IGF2R: variants seen among roughly 807,000 people sequenced by gnomAD.
The protein encoded by IGF2R is cation-independent mannose-6-phosphate receptor.
A neutral mutation model predicts 270.6 loss-of-function variants in IGF2R; 91 were observed. The observed-to-expected ratio is 0.34, with a 90% CI of 0.28 to 0.40. The LOEUF is 0.40. IGF2R is among the 10% of genes least tolerant of loss of function. IGF2R has a pLI of 1.00. For missense variants in IGF2R, 2,805 were observed against 3,188.3 expected (o/e 0.88, Z 2.90); for synonymous variants, 1,316 against 1,258.9 (o/e 1.05, Z -0.96).
chr6:159,975,903 A>G (rs1317246121), intron 1 of IGF2R, among the ~76,000 whole-genome samples: 1 of 151,500 alleles, frequency 6.6e-6, no homozygotes, highest in Non-Finnish European at 1.5e-5. Flanking sequence ...CTAATACTTT[A>G]TGAAATATGC....
Position 160,079,708 on chromosome 6 carries a change from G to A in IGF2R, c.5607G>A (p.Leu1869=). The A allele has an allele frequency of 1.3e-6, 2 of 1,513,026 alleles. No individual in the cohort carries two copies. Among genetic ancestry groups the A allele is most frequent in the South Asian group, 2.7e-5 (2 of 74,620 alleles). 93.7% of individuals were successfully genotyped at this position (1,513,026 alleles called of 1,614,324 possible). The change falls in exon 38 of 48, where the codon CTG becomes CTA. Residue 1869 remains leucine (L), a synonymous_variant. Transcript: ENST00000356956. ...CCAAGGGGGCATCCTTTGGACGGCT[G>A]CAATCAATGAAACTGGATTACAGGC... ...SGTKGASFGR[L]QSMKLDYRHQ...
chr6:160,068,205 G>C (rs55714704), intron 29 of IGF2R, 44 bp from the exon 30 acceptor site: 10 of 1,609,032 alleles, frequency 6.2e-6, no homozygotes, highest in Non-Finnish European at 7.6e-6. Context: ...TGTTTAAAGA[G>C]AATACGACCA....
chr6:160,080,005 A>G (rs1448650382), intron 38 of IGF2R, 124 bp from the exon 39 acceptor site: 1 of 1,220,382 alleles, frequency 8.2e-7, no homozygotes, highest in African/African-American at 1.5e-5. Context: ...TTGGCAGGTG[A>G]ATGCCGGTTG....
At chr6:160,029,377 T>G (rs1360994039) in intron 6 of IGF2R, among the ~76,000 whole-genome samples, 173 bp from the exon 7 acceptor site, 1 of 152,202 alleles carries the variant, frequency 6.6e-6, no homozygotes, top group African/African-American at 2.4e-5. Flanking sequence ...AACTTTTTTT[T>G]TTTTCAAATG....
At position 160,027,269 on chromosome 6, in the gene IGF2R, A is replaced by T. The variant is rs775680443; in HGVS notation, c.731A>T (p.Asp244Val). ...CTGGTAAGAGGACACCAGGCGTTTG[A>T]TGTTGGCCAGCCCCGGGACGGACTG... ...ACLVRGHQAF[D>V]VGQPRDGLKL... is the part of the protein sequence containing the mutation. Residue 244 changes from aspartate (D) to valine (V), a missense_variant, in exon 6 of 48, where the codon GAT becomes GTT. This residue lies in a region of IGF2R where 954 missense variants were observed against 981.1 expected (regional missense o/e 0.97). Coordinates refer to ENST00000356956, the MANE Select transcript of IGF2R (RefSeq NM_000876.4). The T allele has an allele frequency of 1.1e-5, 17 of 1,614,076 alleles. No homozygotes were observed. The highest frequency in any genetic ancestry group is 1.4e-5 in the Non-Finnish European group (17 of 1,180,002).
At chr6:160,028,001 G>GA (rs1366073354) in intron 6 of IGF2R, among the ~76,000 whole-genome samples, 2 of 152,144 alleles carry the variant, frequency 1.3e-5, no homozygotes, top group Non-Finnish European at 2.9e-5. Flanking sequence ...TCTGTCCAAA[G>GA]AAAAAACTTG....
At chr6:160,025,671 G>C (rs1777544283) in intron 5 of IGF2R, among the ~76,000 whole-genome samples, 2 of 152,008 alleles carry the variant, frequency 1.3e-5, no homozygotes, top group Admixed American at 6.6e-5. Flanking sequence ...ATGATAACTA[G>C]GTTTTTTTGT....
At chr6:160,086,810 A>G (rs1176974162) in intron 41 of IGF2R, among the ~76,000 whole-genome samples, 2 of 152,148 alleles carry the variant, frequency 1.3e-5, no homozygotes, top group African/African-American at 4.8e-5. Context: ...TGTCCTGTGG[A>G]AAACACTCGG....
intron 1 of IGF2R, among the ~76,000 whole-genome samples, chr6:159,969,956 A>ATT (rs201922336): frequency 0.069 from 10,431 of 151,388 alleles, 378 homozygotes; most frequent in South Asian, 0.091. Flanking sequence ...ATATATATAT[A>ATT]TTTTTAGCAG....
intron 29 of IGF2R, 23 bp from the exon 30 acceptor site, chr6:160,068,226 A>C: frequency 6.2e-7 from 1 of 1,613,702 alleles, no homozygotes; most frequent in Non-Finnish European, 8.5e-7. Flanking sequence ...AGCCTAACTA[A>C]CTGCGGGTTT....
In IGF2R at chr6:160,102,448, A is replaced by G; in HGVS notation, c.6843-71A>G. The G allele has an allele frequency of 1.3e-6, 2 of 1,530,118 alleles. No individual in the cohort carries two copies. The highest frequency in any genetic ancestry group is 1.8e-6 in the Non-Finnish European group (2 of 1,118,522). 94.8% of individuals were successfully genotyped at this position (1,530,118 alleles called of 1,614,324 possible). ...AGAGCTGCTCTTGCCTTGGGGACTC[A>G]GGTCTCAGGTTGTGGCTGTGGCAGC... On this transcript the variant is annotated intron_variant, in intron 45 of 47. Transcript: ENST00000356956. The surrounding 1 kb of genome is among the most constrained non-coding windows in gnomAD (Gnocchi z 4.5).
At chr6:160,028,103 G>A (rs1334445315) in intron 6 of IGF2R, among the ~76,000 whole-genome samples, 3 of 152,200 alleles carry the variant, frequency 2.0e-5, no homozygotes, top group Non-Finnish European at 4.4e-5. Context: ...CGATAGGCTG[G>A]GTAGCTTAAA....
At position 160,073,344 on chromosome 6, in the gene IGF2R, A is replaced by G. The variant is rs1325386843; in HGVS notation, c.4822A>G (p.Ser1608Gly). ...CTCCAAATCCGGCCTGAGCTATAAG[A>G]GTGTGATCAGTTTCGTGTGCAGGCC... ...CPSKSGLSYK[S>G]VISFVCRPEA... The change falls in exon 34 of 48, where the codon AGT (serine) becomes GGT (glycine). Residue 1608 changes from serine (S) to glycine (G), a missense_variant. Physicochemically the swap from Ser to Gly is moderately conservative, Grantham distance 56. This residue lies in a region of IGF2R where 1,851 missense variants were observed against 2,207.2 expected (regional missense o/e 0.84). Transcript: ENST00000356956. 2 of 1,614,254 alleles carry G rather than the reference A, an allele frequency of 1.2e-6. No homozygotes were observed. Among genetic ancestry groups the G allele is most frequent in the Non-Finnish European group, 1.7e-6 (2 of 1,180,052 alleles).
rs980993937 is a variant in IGF2R, at chr6:160,080,054, C to G, written c.5687-75C>G. On this transcript the variant is annotated intron_variant, in intron 38 of 47. Coordinates refer to ENST00000356956, the MANE Select transcript of IGF2R (RefSeq NM_000876.4). Reference sequence around the variant, plus strand: ...TTAGGATGGGCAGCTTCCTTAGGGACTGCTGCTGCATTCTGAGGTGATTGT... The same window carrying G: ...TTAGGATGGGCAGCTTCCTTAGGGAGTGCTGCTGCATTCTGAGGTGATTGT... The G allele has an allele frequency of 2.8e-5, 43 of 1,528,028 alleles. No homozygotes were observed. In the Admixed American group the frequency reaches 5.2e-4, roughly 19 times the overall value. 94.7% of individuals were successfully genotyped at this position (1,528,028 alleles called of 1,614,324 possible). A position where few individuals can be genotyped will look rare whatever the true frequency, so the allele number is the denominator to read the frequency against.
intron 4 of IGF2R, among the ~76,000 whole-genome samples, chr6:160,022,505 G>T (rs1777462840): frequency 6.6e-6 from 1 of 152,198 alleles, no homozygotes; most frequent in Non-Finnish European, 1.5e-5. Context: ...AGGTATGAGA[G>T]ACTGTCATAA....
At chr6:160,079,001 G>A (rs1778915596) in intron 37 of IGF2R, among the ~76,000 whole-genome samples, 1 of 152,172 alleles carries the variant, frequency 6.6e-6, no homozygotes, top group Non-Finnish European at 1.5e-5. Flanking sequence ...CCTGGACTGG[G>A]GTACGGAACC....
rs1778178101 is a variant in IGF2R at position 160,050,726 on chromosome 6, A to G, written c.2694+74A>G. On this transcript the variant is annotated intron_variant, in intron 19 of 47. Transcript: ENST00000356956. This position sits in a 1 kb window ranked among gnomAD's most constrained non-coding sequence, Gnocchi z 4.0. ...TGAGCGTTGCCTTATGTGTCTCTTA[A>G]CAGCAGCAGTCTTGGGGTGGGTGGC... 2 of 1,363,434 alleles carry G rather than the reference A, an allele frequency of 1.5e-6. No individual in the cohort carries two copies. The highest frequency in any genetic ancestry group is 2.2e-5 in the Admixed American group (1 of 45,164). 84.5% of individuals were successfully genotyped at this position (1,363,434 alleles called of 1,614,324 possible).
rs1784092553 is a variant in IGF2R at position 159,999,152 on chromosome 6, C to T, written c.289+7829C>T. Reference sequence around the variant, plus strand: ...CACGAGATGGGATGGATCCCTCTGCCATCACCCACTCCAGACCCAGGGATC... The same window carrying T: ...CACGAGATGGGATGGATCCCTCTGCTATCACCCACTCCAGACCCAGGGATC... On this transcript the variant is annotated intron_variant, in intron 2 of 47. Coordinates refer to ENST00000356956, the MANE Select transcript of IGF2R (RefSeq NM_000876.4). Among the ~76,000 whole-genome samples the T allele has an allele frequency of 6.6e-5, 10 of 152,302 alleles. No homozygotes were observed. In the South Asian group the frequency reaches 2.1e-3, roughly 32 times the overall value.
intron 7 of IGF2R, among the ~76,000 whole-genome samples, chr6:160,031,845 G>GT (rs1777704323): frequency 6.6e-6 from 1 of 152,200 alleles, no homozygotes; most frequent in Admixed American, 6.5e-5. Flanking sequence ...CCAGTAAGTC[G>GT]TGTCTCCTAA....
Sources: gnomAD v4.1 joint callset for allele counts (sites outside exome capture counted in the v4.1 genomes callset) on GRCh38, gnomAD v4.1.1 for gene constraint, gnomAD v4.1.1 regional missense constraint, Gnocchi (gnomAD v3.1) non-coding constraint, MANE v1.5 for transcripts, NCBI Gene and HGNC (gene_info 2026-07-23, HGNC 2026-07-21) for gene names.